The following CNTNAP5 variants were observed in gnomAD, a reference collection of about 807,000 sequenced individuals.
CNTNAP5 encodes the protein contactin-associated protein-like 5.
A neutral mutation model predicts 150.2 loss-of-function variants in CNTNAP5; 72 were observed. The observed-to-expected ratio is 0.48, with a 90% confidence interval of 0.40 to 0.58. CNTNAP5 has a LOEUF of 0.58. CNTNAP5 is among the 20% of genes least tolerant of loss of function. The pLI, the probability that CNTNAP5 is intolerant of heterozygous loss-of-function variation, is 0.00. For missense variants in CNTNAP5, 1,636 were observed against 1,626.2 expected (o/e 1.01, Z -0.10); for synonymous variants, 672 against 619.8 (o/e 1.08, Z -1.25).
chr2:124,498,831 T>A lies in CNTNAP5; in HGVS notation c.1063-5461T>A, dbSNP rs1229611429. Among the ~76,000 whole-genome samples, 6 of 152,300 alleles carry A rather than the reference T, an allele frequency of 3.9e-5. No individual in the cohort carries two copies. The East Asian group carries it at 9.7e-4, about 25-fold the overall frequency. On this transcript the variant is annotated intron_variant, in intron 7 of 23. Transcript: ENST00000682447. Reference sequence around the variant, plus strand: ...CATGCCAACAACAGAATGATTCAGATGATCCCCAAATCCTCTCCAAAGACA... The same window carrying A: ...CATGCCAACAACAGAATGATTCAGAAGATCCCCAAATCCTCTCCAAAGACA...
intron 2 of CNTNAP5, among the ~76,000 whole-genome samples, chr2:124,234,239 A>G (rs550860889): frequency 1.1e-4 from 16 of 152,324 alleles, no homozygotes; most frequent in South Asian, 1.0e-3. Flanking sequence ...AGTCCTGAGC[A>G]GCAGATGGGC....
At chr2:124,552,524 T>C (rs1227840827) in intron 10 of CNTNAP5, among the ~76,000 whole-genome samples, 2 of 152,180 alleles carry the variant, frequency 1.3e-5, no homozygotes, top group African/African-American at 2.4e-5. Flanking sequence ...TTAGGACAGC[T>C]TGACTCTCTT....
At chr2:124,583,567 A>T (rs557698737) in intron 11 of CNTNAP5, among the ~76,000 whole-genome samples, 28 of 152,350 alleles carry the variant, frequency 1.8e-4, no homozygotes, top group Admixed American at 1.6e-3. Flanking sequence ...TAGCTTTATA[A>T]TGTGTCAACA....
chr2:124,658,207 G>A (rs1015567720), intron 13 of CNTNAP5, among the ~76,000 whole-genome samples: 65 of 152,276 alleles, frequency 4.3e-4, no homozygotes, highest in African/African-American at 1.5e-3. Context: ...CCTGGTGGGA[G>A]GAGAGCAACT....
At chr2:124,133,146 G>A (rs1393206179) in intron 1 of CNTNAP5, among the ~76,000 whole-genome samples, 1 of 151,988 alleles carries the variant, frequency 6.6e-6, no homozygotes, top group East Asian at 1.9e-4. Flanking sequence ...ATTTGAAAAT[G>A]CAAAAAAGGT....
intron 12 of CNTNAP5, among the ~76,000 whole-genome samples, chr2:124,622,724 C>A (rs946779826): frequency 1.3e-5 from 2 of 152,114 alleles, no homozygotes; most frequent in Admixed American, 6.6e-5. Context: ...CACACACTCA[C>A]ACACACACTC....
intron 7 of CNTNAP5, 67 bp downstream of exon 7, chr2:124,474,949 G>A (rs1693604573): frequency 1.4e-6 from 2 of 1,392,748 alleles, no homozygotes; most frequent in Admixed American, 2.4e-5. Context: ...GCTTTCACCA[G>A]CCCATTCCTG....
At position 124,798,079 on chromosome 2, in the gene CNTNAP5, C is replaced by T. The variant is rs768037017; in HGVS notation, c.2993-17C>T. 8.2e-6 allele frequency: 13 copies of T among 1,578,850 alleles called. No homozygotes were observed. Among genetic ancestry groups the T allele is most frequent in the Middle Eastern group, 1.7e-4 (1 of 6,030 alleles). On this transcript the variant is annotated splice_polypyrimidine_tract_variant and intron_variant, in intron 18 of 23. Transcript: ENST00000682447. ...CTAAAGGTTTCAATGTGTGCTCTCC[C>T]CTCTTATATTTTGCAGAGGTTTCTG...
chr2:124,239,254 G>T (rs1279561498), intron 2 of CNTNAP5, among the ~76,000 whole-genome samples: 1 of 151,890 alleles, frequency 6.6e-6, no homozygotes, highest in African/African-American at 2.4e-5. Flanking sequence ...TTTATTCTTT[G>T]CAAGCTAAAT....
chr2:124,061,532 A>G (rs1057099590), intron 1 of CNTNAP5, among the ~76,000 whole-genome samples: 8 of 152,228 alleles, frequency 5.3e-5, no homozygotes, highest in Non-Finnish European at 8.8e-5. Flanking sequence ...CCTAAAAGAA[A>G]GAAGACCATG....
chr2:124,673,844 T>C lies in CNTNAP5; in HGVS notation c.2077+25886T>C, dbSNP rs182170683. On this transcript the variant is annotated intron_variant, in intron 13 of 23. Transcript: ENST00000682447. ...TATTTTCACGATGATAAGGTACTCA[T>C]TTTTAAGTTTTATTAAGATATATTT... 6.6e-4 allele frequency among the ~76,000 whole-genome samples: 100 copies of C among 152,168 alleles called. 1 individual carries two copies. The East Asian group carries it at 0.019, about 28-fold the overall frequency.
chr2:124,335,288 C>T (rs935514308), intron 3 of CNTNAP5, among the ~76,000 whole-genome samples: 6 of 151,836 alleles, frequency 4.0e-5, no homozygotes, highest in African/African-American at 1.5e-4. Context: ...GAGAAACTCC[C>T]CTGAGAGCTT....
chr2:124,255,419 G>C (rs1487181390), intron 3 of CNTNAP5, among the ~76,000 whole-genome samples: 1 of 151,790 alleles, frequency 6.6e-6, no homozygotes, highest in African/African-American at 2.4e-5. Flanking sequence ...AGCTACTCAG[G>C]AGGCTGAGGC....
At chr2:124,711,130 G>A (rs1482668474) in intron 13 of CNTNAP5, among the ~76,000 whole-genome samples, 1 of 152,038 alleles carries the variant, frequency 6.6e-6, no homozygotes, top group Non-Finnish European at 1.5e-5. Flanking sequence ...AATTAGCCAG[G>A]TGTGGTGGCA....
intron 3 of CNTNAP5, among the ~76,000 whole-genome samples, chr2:124,375,635 G>A (rs952484923): frequency 6.6e-6 from 1 of 152,058 alleles, no homozygotes; most frequent in Non-Finnish European, 1.5e-5. Flanking sequence ...TTGTAGTTGA[G>A]TTAATAGTAT....
chr2:124,131,466 C>T (rs1683842171), intron 1 of CNTNAP5, among the ~76,000 whole-genome samples: 1 of 152,168 alleles, frequency 6.6e-6, no homozygotes, highest in Admixed American at 6.5e-5. Flanking sequence ...ACATTAGTGA[C>T]TGCCAGATGT....
chr2:124,137,695 C>T (rs778470976), intron 1 of CNTNAP5, among the ~76,000 whole-genome samples: 11 of 152,128 alleles, frequency 7.2e-5, no homozygotes, highest in Non-Finnish European at 1.3e-4. Context: ...AATGCTGTTG[C>T]GAGGTGCAGA....
rs139100137 is a variant in CNTNAP5 at position 124,605,445 on chromosome 2, A to C, written c.1757-4356A>C. Among the ~76,000 whole-genome samples the C allele has an allele frequency of 8.1e-3, 1,236 of 152,344 alleles. 6 individuals carry two copies. Among genetic ancestry groups the C allele is most frequent in the Middle Eastern group, 0.048 (14 of 294 alleles). On this transcript the variant is annotated intron_variant, in intron 11 of 23. Transcript: ENST00000682447. ...TTTCTGCAATGAGAAAGTTAAAAAG[A>C]AAATATTAAATTTCAATATTGCTTT... is the stretch of plus-strand genomic sequence containing the variant.
rs776590008 is a variant in CNTNAP5, at chr2:124,866,383, G to A, written c.3348+947G>A. On this transcript the variant is annotated intron_variant, in intron 20 of 23. Coordinates refer to ENST00000682447, the MANE Select transcript of CNTNAP5 (RefSeq NM_001367498.1). ...TAATGTCTGCTCAGGTTTGCCAACC[G>A]CTGGGCTGCATTAAAGTGAGGAAGA... is the stretch of plus-strand genomic sequence containing the variant. Among the ~76,000 whole-genome samples, 80 of 152,290 alleles carry A rather than the reference G, an allele frequency of 5.3e-4. No homozygotes were observed. The Middle Eastern group carries it at 0.014, about 26-fold the overall frequency.
Sources: allele counts gnomAD v4.1 joint callset (sites outside exome capture counted in the v4.1 genomes callset), GRCh38; gene constraint gnomAD v4.1.1; transcripts MANE v1.5; gene names NCBI Gene and HGNC (gene_info 2026-07-23, HGNC 2026-07-21).